Variants in PDE8B observed in about 807,000 individuals in gnomAD.
PDE8B encodes the protein phosphodiesterase 8B, also known as high affinity cAMP-specific and IBMX-insensitive 3',5'-cyclic phosphodiesterase 8B.
PDE8B carries 26 observed loss-of-function variants against 101.3 expected under a neutral mutation model. The observed-to-expected ratio is 0.26, with a 90% CI of 0.19 to 0.36. PDE8B has a LOEUF of 0.36. Ranked by LOEUF, PDE8B falls within the 10% of genes least tolerant of loss-of-function variation. The pLI is 1.00. For missense variants in PDE8B, 810 were observed against 1,163.1 expected (o/e 0.70, Z 4.42); for synonymous variants, 424 against 429.3 (o/e 0.99, Z 0.15).
chr5:77,323,543 T>C (rs1168299445), intron 2 of PDE8B, among the ~76,000 whole-genome samples: 2 of 152,104 alleles, frequency 1.3e-5, no homozygotes, highest in Non-Finnish European at 2.9e-5. Flanking sequence ...GGAAAATGGG[T>C]AGGGATAGAG....
intron 1 of PDE8B, among the ~76,000 whole-genome samples, chr5:77,254,772 A>G (rs553341781): frequency 2.3e-4 from 35 of 152,322 alleles, no homozygotes; most frequent in African/African-American, 8.2e-4. Context: ...TCTTCTTGAA[A>G]TGTCTTATGT....
chr5:77,121,096 G>C, the PDE8B span, among the ~76,000 whole-genome samples: 406 of 152,316 alleles, frequency 2.7e-3, 1 homozygote, highest in African/African-American at 9.3e-3. Flanking sequence ...TACAACAAAC[G>C]AACAGCTATT....
the PDE8B span, among the ~76,000 whole-genome samples, chr5:77,188,348 A>G: frequency 6.6e-6 from 1 of 152,240 alleles, no homozygotes; most frequent in Non-Finnish European, 1.5e-5. Flanking sequence ...TTTAAAGTGC[A>G]TCGTTTTGCA....
the PDE8B span, among the ~76,000 whole-genome samples, chr5:77,089,893 CA>C: frequency 6.6e-6 from 1 of 152,122 alleles, no homozygotes; most frequent in East Asian, 1.9e-4. Flanking sequence ...CAAAATCAAC[CA>C]AAGTCTATCA....
intron 1 of PDE8B, among the ~76,000 whole-genome samples, chr5:77,302,298 T>TC (rs1770141229): frequency 6.6e-6 from 1 of 152,226 alleles, no homozygotes; most frequent in South Asian, 2.1e-4. Flanking sequence ...GCATCCCCCC[T>TC]CCACTGGCAC....
Position 77,229,255 on chromosome 5 carries a change from GCA to G in PDE8B, c.339+17992_339+17993del, listed in dbSNP as rs1295781602. Among the ~76,000 whole-genome samples, 4 of 152,108 alleles carry G rather than the reference GCA, an allele frequency of 2.6e-5. No individual in the cohort carries two copies. In the East Asian group the frequency reaches 7.7e-4, roughly 29 times the overall value. On this transcript the variant is annotated intron_variant, in intron 1 of 21. Coordinates refer to ENST00000264917, the MANE Select transcript of PDE8B (RefSeq NM_003719.5). ...ATCAAATACGGAATTCATTTTTCTTGCAAACAGTTGGATAAAAGAAAAATTAG... is the reference window on the plus strand; with the variant it reads ...ATCAAATACGGAATTCATTTTTCTTGAACAGTTGGATAAAAGAAAAATTAG...
chr5:77,339,726 A>G (rs749970967), intron 6 of PDE8B, among the ~76,000 whole-genome samples: 2 of 152,140 alleles, frequency 1.3e-5, no homozygotes, highest in Non-Finnish European at 2.9e-5. Context: ...GCAGCTAAAT[A>G]TGTATCATTA....
intron 5 of PDE8B, among the ~76,000 whole-genome samples, chr5:77,335,140 C>A (rs1201692064): frequency 1.3e-5 from 2 of 152,106 alleles, no homozygotes; most frequent in Non-Finnish European, 2.9e-5. Context: ...TATTTGTAGG[C>A]AGAAATAGAA....
At chr5:77,123,165 G>C in the PDE8B span, among the ~76,000 whole-genome samples, 1 of 152,218 alleles carries the variant, frequency 6.6e-6, no homozygotes, top group South Asian at 2.1e-4. Context: ...CAAGGTTGAG[G>C]GGGTGCATCT....
intron 1 of PDE8B, among the ~76,000 whole-genome samples, chr5:77,243,505 T>A (rs370335738): frequency 1.1e-4 from 16 of 152,350 alleles, no homozygotes; most frequent in African/African-American, 3.8e-4. Context: ...TGTTTACAGT[T>A]GAGCCTGCTC....
At chr5:77,227,640 T>C (rs932549752) in intron 1 of PDE8B, among the ~76,000 whole-genome samples, 5 of 151,746 alleles carry the variant, frequency 3.3e-5, no homozygotes, top group African/African-American at 1.2e-4. Context: ...ATCTTGGAGG[T>C]GGAGTATCTT....
the PDE8B span, among the ~76,000 whole-genome samples, chr5:77,154,056 A>C: frequency 6.6e-6 from 1 of 152,214 alleles, no homozygotes; most frequent in African/African-American, 2.4e-5. Context: ...TAAGGAAGAA[A>C]CATTTCATAA....
chr5:77,272,208 T>C (rs772678963), intron 1 of PDE8B, among the ~76,000 whole-genome samples: 11 of 152,182 alleles, frequency 7.2e-5, no homozygotes, highest in Non-Finnish European at 1.2e-4. Context: ...TGATGGAATG[T>C]ATTAAGAGAG....
chr5:77,273,519 G>T (rs940916598), intron 1 of PDE8B, among the ~76,000 whole-genome samples: 1 of 152,200 alleles, frequency 6.6e-6, no homozygotes, highest in Admixed American at 6.5e-5. Context: ...AGATATGATA[G>T]GTAGAGATGA....
chr5:77,402,868 C>G (rs1792584581), intron 11 of PDE8B, among the ~76,000 whole-genome samples: 1 of 152,174 alleles, frequency 6.6e-6, no homozygotes, highest in Non-Finnish European at 1.5e-5. Flanking sequence ...GGCTCTGGAC[C>G]TGGTTTCCTT....
At position 77,373,347 on chromosome 5, in the gene PDE8B, A is replaced by G. The variant is rs530720758; in HGVS notation, c.1167+19941A>G. ...ACAATTTCATTGAGGAATAACTGAC[A>G]TACATTAAACTGCACGTATTTAAAG... On this transcript the variant is annotated intron_variant, in intron 10 of 21. Coordinates refer to ENST00000264917, the MANE Select transcript of PDE8B (RefSeq NM_003719.5). Among the ~76,000 whole-genome samples, 3 of 152,336 alleles carry G rather than the reference A, an allele frequency of 2.0e-5. No individual in the cohort carries two copies. The East Asian group carries it at 5.8e-4, about 29-fold the overall frequency.
At chr5:77,372,163 G>A (rs975257337) in intron 10 of PDE8B, among the ~76,000 whole-genome samples, 2 of 152,138 alleles carry the variant, frequency 1.3e-5, no homozygotes, top group African/African-American at 4.8e-5. Flanking sequence ...TTGTGCCACT[G>A]CACTCCAGCC....
chr5:77,326,144 C>T lies in PDE8B; in HGVS notation c.590+415C>T, dbSNP rs1293691087. Among the ~76,000 whole-genome samples the T allele has an allele frequency of 2.0e-5, 3 of 152,336 alleles. No individual in the cohort carries two copies. The East Asian group carries it at 5.8e-4, about 29-fold the overall frequency. On this transcript the variant is annotated intron_variant, in intron 3 of 21. Coordinates refer to ENST00000264917, the MANE Select transcript of PDE8B (RefSeq NM_003719.5). ...AATATAAATTTTTTCCTGCCTGACACAGATGGGTAGATCCCATAGCAGGCT... is the reference window on the plus strand; with the variant it reads ...AATATAAATTTTTTCCTGCCTGACATAGATGGGTAGATCCCATAGCAGGCT...
intron 1 of PDE8B, among the ~76,000 whole-genome samples, chr5:77,230,590 C>G (rs1753371544): frequency 6.6e-6 from 1 of 152,244 alleles, no homozygotes; most frequent in African/African-American, 2.4e-5. Flanking sequence ...CCTCAGCCTC[C>G]CGAGTATCTA....
Sources: gnomAD v4.1 joint callset for allele counts (sites outside exome capture counted in the v4.1 genomes callset) on GRCh38, gnomAD v4.1.1 for gene constraint, MANE v1.5 for transcripts, NCBI Gene and HGNC (gene_info 2026-07-23, HGNC 2026-07-21) for gene names.